The following STAU1 variants were observed in gnomAD, a reference collection of about 807,000 sequenced individuals.
STAU1 encodes the protein staufen double-stranded RNA binding protein 1.
Under a neutral mutation model 62.9 loss-of-function variants are expected in STAU1, and 13 were observed. The observed-to-expected ratio is 0.21, with a 90% CI of 0.13 to 0.33. The LOEUF is 0.33. Ranked by LOEUF, STAU1 falls within the 10% of genes least tolerant of loss-of-function variation. The probability of loss-of-function intolerance (pLI) is 1.00; values close to 1 mark genes in which losing one functional copy is unlikely to be tolerated. For synonymous variants in STAU1, 269 were observed against 265.1 expected, an observed-to-expected ratio of 1.01 and a Z score of -0.14; for missense variants, 571 against 712.1, an observed-to-expected ratio of 0.80 and a Z score of 2.25.
chr20:49,165,937 G>A (rs1164272924), intron 3 of STAU1, 60 bp downstream of exon 3: 8 of 1,568,320 alleles, frequency 5.1e-6, no homozygotes, highest in African/African-American at 1.4e-5. Flanking sequence ...CAACCTATCA[G>A]ATCAGAAAAC....
At chr20:49,189,494 C>T (rs943146882), upstream of STAU1, among the ~76,000 whole-genome samples, 1 of 148,026 alleles carries the variant, frequency 6.8e-6, no homozygotes, top group Admixed American at 6.8e-5. Context: ...GTGGTGGGCG[C>T]CTGTAATCAC....
intron 5 of STAU1, among the ~76,000 whole-genome samples, chr20:49,142,289 T>A (rs1224544732): frequency 6.6e-6 from 1 of 152,026 alleles, no homozygotes; most frequent in Non-Finnish European, 1.5e-5. Context: ...GGTTTCGTCA[T>A]GCTGGCCAGG....
chr20:49,168,684 A>C (rs1381098387), intron 2 of STAU1, among the ~76,000 whole-genome samples: 1 of 152,182 alleles, frequency 6.6e-6, no homozygotes, highest in Non-Finnish European at 1.5e-5. Context: ...TGAACAGAGC[A>C]TCTAAGGTAG....
chr20:49,179,541 C>T (rs947761432), intron 1 of STAU1, among the ~76,000 whole-genome samples: 4 of 152,206 alleles, frequency 2.6e-5, no homozygotes, highest in Admixed American at 2.0e-4. Flanking sequence ...GGAAAATAAG[C>T]TTCCAAGCAT....
At chr20:49,188,342 C>G (rs2093819094), upstream of STAU1, 1 of 151,890 alleles carries the variant, frequency 6.6e-6, no homozygotes, top group African/African-American at 2.4e-5. Context: ...AAGAGCCGCT[C>G]AGGCGCCCGC....
At chr20:49,187,751 C>T (rs1432580086) in intron 1 of STAU1, among the ~76,000 whole-genome samples, 1 of 145,634 alleles carries the variant, frequency 6.9e-6, no homozygotes, top group African/African-American at 2.6e-5. Context: ...GAGGCTCCAG[C>T]CCTCGGGGAC....
chr20:49,152,933 C>A (rs1331860655), intron 4 of STAU1, among the ~76,000 whole-genome samples: 2 of 152,100 alleles, frequency 1.3e-5, no homozygotes, highest in East Asian at 3.9e-4. Flanking sequence ...TATGCTCAGG[C>A]CCTACCCAAG....
chr20:49,187,936 C>G (rs1297185399), intron 1 of STAU1, among the ~76,000 whole-genome samples, 180 bp downstream of exon 1: 1 of 151,760 alleles, frequency 6.6e-6, no homozygotes, highest in Non-Finnish European at 1.5e-5. Flanking sequence ...CGCCCCGAGG[C>G]GAGGGAACGC....
In STAU1 at chr20:49,124,563, G is replaced by A. The variant is rs2145888533; in HGVS notation, c.634C>T (p.His212Tyr). ...FEVARESGPP[H>Y]MKNFVTKVSV... is the part of the protein sequence containing the mutation. ...ACCTTGGTCACAAAGTTCTTCATGT[G>A]GGGTGGGCCACTCTCCCGGGCCACC... The change falls in exon 7 of 14, where the codon CAC (histidine) becomes TAC (tyrosine). Residue 212 changes from histidine to tyrosine, a missense_variant. Around this residue, in one of 3 missense-constraint regions of STAU1, gnomAD observed 414 missense variants for 499.6 expected, o/e 0.83. Transcript: ENST00000371856. 2 of 1,613,928 alleles carry A rather than the reference G, an allele frequency of 1.2e-6. No individual in the cohort carries two copies. Among genetic ancestry groups the A allele is most frequent in the South Asian group, 1.1e-5 (1 of 91,066 alleles).
At chr20:49,135,718 G>T in intron 6 of STAU1, 115 bp downstream of exon 6, 1 of 765,288 alleles carries the variant, frequency 1.3e-6, no homozygotes, top group Non-Finnish European at 2.1e-6. Flanking sequence ...TCTTAAATTT[G>T]GAGGTTCACA....
chr20:49,194,576 A>G, the STAU1 span, among the ~76,000 whole-genome samples: 1 of 151,976 alleles, frequency 6.6e-6, no homozygotes, highest in African/African-American at 2.4e-5. Context: ...GAGAACTATT[A>G]TTATTACTAT....
intron 1 of STAU1, 40 bp from the exon 2 acceptor site, chr20:49,174,309 C>A (rs1395068843): frequency 1.3e-5 from 2 of 152,070 alleles, no homozygotes; most frequent in South Asian, 2.1e-4. Context: ...TAGGGTAGGT[C>A]TTTTCTCTGA....
At chr20:49,149,999 A>G (rs2093214594) in intron 5 of STAU1, among the ~76,000 whole-genome samples, 1 of 152,182 alleles carries the variant, frequency 6.6e-6, no homozygotes, top group Admixed American at 6.5e-5. Context: ...CTACCCAGAG[A>G]TATTTTCAGG....
upstream of STAU1, among the ~76,000 whole-genome samples, chr20:49,190,636 TTGTTTTCTTC>T (rs1345205763): frequency 6.6e-6 from 1 of 152,128 alleles, no homozygotes; most frequent in East Asian, 1.9e-4. Context: ...TCACCTAGAT[TTGTTTTCTTC>T]TGTTTGTACC....
intron 6 of STAU1, among the ~76,000 whole-genome samples, chr20:49,125,198 CAAAAAAAA>C (rs1171534142): frequency 0.018 from 620 of 33,760 alleles, 9 homozygotes; most frequent in African/African-American, 0.051. Flanking sequence ...CTCATTTTTG[CAAAAAAAA>C]AAAAAAAAAA....
the STAU1 span, among the ~76,000 whole-genome samples, chr20:49,194,102 AAC>A: frequency 5.4e-4 from 82 of 152,158 alleles, no homozygotes; most frequent in Middle Eastern, 6.8e-3. Flanking sequence ...CATACCAGGG[AAC>A]ATACCAAATT....
the STAU1 span, among the ~76,000 whole-genome samples, chr20:49,212,635 G>GTTTTTTTTT: frequency 2.3e-4 from 1 of 4,332 alleles, no homozygotes; most frequent in Non-Finnish European, 7.3e-4. Flanking sequence ...TTTAGGCAGA[G>GTTTTTTTTT]TTTTGCTCTT....
Position 49,120,134 on chromosome 20 carries a change from C to T in STAU1, c.967-6G>A. 1.2e-6 allele frequency: 2 copies of T among 1,611,402 alleles called. No homozygotes were observed. Among genetic ancestry groups the T allele is most frequent in the Admixed American group, 1.7e-5 (1 of 59,776 alleles). On this transcript the variant is annotated splice_polypyrimidine_tract_variant and splice_region_variant and intron_variant, in intron 8 of 13. Transcript: ENST00000371856. ...GTGTGGTTTCCAACCTTCACCTGCA[C>T]AAAGAAGTCAAAACACAGACCAGTG...
At chr20:49,186,322 G>A (rs1211921413) in intron 1 of STAU1, among the ~76,000 whole-genome samples, 3 of 151,552 alleles carry the variant, frequency 2.0e-5, no homozygotes, top group Non-Finnish European at 4.4e-5. Flanking sequence ...CTCCAGCCTG[G>A]GCGACAGCGT....
Sources: gnomAD v4.1 joint callset for allele counts (sites outside exome capture counted in the v4.1 genomes callset) on GRCh38, gnomAD v4.1.1 for gene constraint, gnomAD v4.1.1 regional missense constraint, MANE v1.5 for transcripts, NCBI Gene and HGNC (gene_info 2026-07-23, HGNC 2026-07-21) for gene names.